The following GRIA4 variants were observed in gnomAD, a reference collection of about 807,000 sequenced individuals.
GRIA4 encodes the protein glutamate receptor 4.
A neutral mutation model predicts 104.0 loss-of-function variants in GRIA4; 34 were observed. That is an observed-to-expected ratio of 0.33 (90% CI 0.25 to 0.44). The LOEUF is 0.44. Ranked by LOEUF, GRIA4 falls within the 20% of genes least tolerant of loss-of-function variation. The pLI is 1.00. For missense variants in GRIA4, 750 were observed against 1,096.5 expected (o/e 0.68, Z 4.46); for synonymous variants, 386 against 381.9 (o/e 1.01, Z -0.13).
intron 14 of GRIA4, among the ~76,000 whole-genome samples, chr11:105,944,175 C>T (rs945873161): frequency 1.3e-5 from 2 of 152,056 alleles, no homozygotes; most frequent in African/African-American, 4.8e-5. Context: ...AGTGTTTTTT[C>T]CCTGCACATT....
At chr11:105,958,045 T>C (rs1948636831) in intron 14 of GRIA4, among the ~76,000 whole-genome samples, 1 of 152,206 alleles carries the variant, frequency 6.6e-6, no homozygotes, top group Non-Finnish European at 1.5e-5. Context: ...TATACAATCA[T>C]GTCATCTGCA....
At chr11:105,970,366 A>C (rs1463393061) in intron 14 of GRIA4, among the ~76,000 whole-genome samples, 1 of 152,306 alleles carries the variant, frequency 6.6e-6, no homozygotes, top group Non-Finnish European at 1.5e-5. Context: ...AGGCCCAATT[A>C]ACTAGAAACA....
intron 3 of GRIA4, among the ~76,000 whole-genome samples, chr11:105,726,653 G>GT (rs1018890226): frequency 6.6e-6 from 1 of 152,048 alleles, no homozygotes; most frequent in Non-Finnish European, 1.5e-5. Context: ...CATCTGGTGG[G>GT]TCCCCCTCTG....
intron 4 of GRIA4, among the ~76,000 whole-genome samples, chr11:105,792,883 C>A (rs917454886): frequency 7.1e-6 from 1 of 140,620 alleles, no homozygotes; most frequent in Non-Finnish European, 1.5e-5. Context: ...CTGATCTATG[C>A]CAGTTTGCCA....
At chr11:105,857,441 G>C (rs1945047178) in intron 4 of GRIA4, among the ~76,000 whole-genome samples, 1 of 152,108 alleles carries the variant, frequency 6.6e-6, no homozygotes, top group African/African-American at 2.4e-5. Context: ...ACAAGCTGCT[G>C]CTATGCCCCT....
intron 4 of GRIA4, among the ~76,000 whole-genome samples, chr11:105,849,047 C>G (rs1003378699): frequency 3.9e-5 from 6 of 152,120 alleles, no homozygotes. Flanking sequence ...AAAATATTAG[C>G]TGGGCATTGT....
At chr11:105,808,457 A>G (rs1040877696) in intron 4 of GRIA4, among the ~76,000 whole-genome samples, 3 of 152,076 alleles carry the variant, frequency 2.0e-5, no homozygotes, top group African/African-American at 7.2e-5. Flanking sequence ...GACTTTTCAG[A>G]ATTTGTAATA....
At chr11:105,885,721 G>A (rs592759) in intron 5 of GRIA4, among the ~76,000 whole-genome samples, 117 of 152,362 alleles carry the variant, frequency 7.7e-4, no homozygotes, top group African/African-American at 2.6e-3. Context: ...GCTTAGTTTG[G>A]TGAGGAAAAT....
At chr11:105,623,088 T>C (rs905650926) in intron 3 of GRIA4, among the ~76,000 whole-genome samples, 3 of 135,034 alleles carry the variant, frequency 2.2e-5, no homozygotes, top group African/African-American at 8.4e-5. Context: ...TATATATATA[T>C]ATACCATATT....
chr11:105,793,283 C>T (rs1212931178), intron 4 of GRIA4, among the ~76,000 whole-genome samples: 2 of 152,042 alleles, frequency 1.3e-5, no homozygotes, highest in African/African-American at 4.8e-5. Context: ...CCTTGGGTTT[C>T]AAAACTGTGG....
intron 8 of GRIA4, among the ~76,000 whole-genome samples, chr11:105,904,365 T>G (rs1946968561): frequency 6.6e-6 from 1 of 152,082 alleles, no homozygotes; most frequent in Non-Finnish European, 1.5e-5. Flanking sequence ...AAATGGATAG[T>G]TGGGGGCAGG....
intron 14 of GRIA4, among the ~76,000 whole-genome samples, chr11:105,945,229 AAG>A (rs1420880013): frequency 6.6e-6 from 1 of 152,178 alleles, no homozygotes; most frequent in Non-Finnish European, 1.5e-5. Context: ...GCCAATCTTC[AAG>A]GTATTAGAGC....
At chr11:105,783,695 A>C (rs1219204073) in intron 4 of GRIA4, among the ~76,000 whole-genome samples, 1 of 152,080 alleles carries the variant, frequency 6.6e-6, no homozygotes, top group Non-Finnish European at 1.5e-5. Context: ...CTTTTCAAAA[A>C]ATGACAGACC....
At chr11:105,757,316 G>C (rs571451709) in intron 4 of GRIA4, among the ~76,000 whole-genome samples, 1 of 152,052 alleles carries the variant, frequency 6.6e-6, no homozygotes, top group African/African-American at 2.4e-5. Context: ...CCACTGTCCC[G>C]CATTACAGAG....
chr11:105,711,124 T>C (rs1471061284), intron 3 of GRIA4, among the ~76,000 whole-genome samples: 1 of 152,122 alleles, frequency 6.6e-6, no homozygotes, highest in East Asian at 1.9e-4. Context: ...AGCTATGTGG[T>C]AAGAAATATA....
chr11:105,665,621 A>G (rs1395670597), intron 3 of GRIA4, among the ~76,000 whole-genome samples: 2 of 152,020 alleles, frequency 1.3e-5, no homozygotes, highest in African/African-American at 4.8e-5. Context: ...TGCATTTAAC[A>G]TCTAAACAAA....
intron 14 of GRIA4, chr11:105,966,005 A>G (rs1384526326): frequency 6.2e-7 from 1 of 1,613,780 alleles, no homozygotes. Context: ...GGACAAATTG[A>G]AAAACAAATG....
intron 4 of GRIA4, among the ~76,000 whole-genome samples, chr11:105,831,044 T>G: frequency 1.3e-5 from 2 of 152,054 alleles, no homozygotes; most frequent in Middle Eastern, 6.8e-3. Flanking sequence ...AAAGCATTTA[T>G]TATTTCTAAT....
intron 3 of GRIA4, among the ~76,000 whole-genome samples, chr11:105,641,242 A>C (rs1766088341): frequency 6.6e-6 from 1 of 152,170 alleles, no homozygotes; most frequent in South Asian, 2.1e-4. Context: ...GAAATTATCA[A>C]CTATATTAAT....
Sources: gnomAD v4.1 joint callset for allele counts (sites outside exome capture counted in the v4.1 genomes callset) on GRCh38, gnomAD v4.1.1 for gene constraint, MANE v1.5 for transcripts, NCBI Gene and HGNC (gene_info 2026-07-23, HGNC 2026-07-21) for gene names.